TBC1D1: variants seen among roughly 807,000 people sequenced by gnomAD.
TBC1D1 encodes the protein TBC1 (tre-2/USP6, BUB2, cdc16) domain family, member 1.
TBC1D1 carries 89 observed loss-of-function variants against 125.6 expected under a neutral mutation model. That is an observed-to-expected ratio of 0.71 (90% CI 0.60 to 0.85). The LOEUF (loss-of-function observed/expected upper bound fraction) is 0.85. TBC1D1 is among the 40% of genes least tolerant of loss of function. The pLI is 0.00. For missense variants in TBC1D1, 1,377 were observed against 1,469.2 expected (o/e 0.94, Z 1.03); for synonymous variants, 565 against 564.1 (o/e 1.00, Z -0.02).
At chr4:38,011,193 A>G (rs1317869145) in intron 2 of TBC1D1, among the ~76,000 whole-genome samples, 1 of 152,084 alleles carries the variant, frequency 6.6e-6, no homozygotes, top group Non-Finnish European at 1.5e-5. Flanking sequence ...CTCTACCAAA[A>G]AAATACAAAA....
chr4:38,118,665 G>C lies in TBC1D1; in HGVS notation c.2962+473G>C, dbSNP rs118171673. ...GCTCTACACTTTCTCCCAAGTCACT[G>C]TCTTGGAGACCAGTGTCAGGACCTT... On this transcript the variant is annotated intron_variant, in intron 17 of 19. Coordinates refer to ENST00000261439, the MANE Select transcript of TBC1D1 (RefSeq NM_015173.4). 3.5e-3 allele frequency: 537 copies of C among 154,208 alleles called. 18 individuals are homozygous for C. In the East Asian group the frequency reaches 0.086, roughly 25 times the overall value. 9.6% of individuals were successfully genotyped at this position (154,208 alleles called of 1,614,324 possible). A position where few individuals can be genotyped will look rare whatever the true frequency, so the allele number is the denominator to read the frequency against.
intron 8 of TBC1D1, among the ~76,000 whole-genome samples, chr4:38,036,880 A>G (rs781144465): frequency 6.6e-6 from 1 of 152,176 alleles, no homozygotes; most frequent in Non-Finnish European, 1.5e-5. Flanking sequence ...TTAAGATAGC[A>G]TTCAAGTTCT....
intron 12 of TBC1D1, among the ~76,000 whole-genome samples, chr4:38,079,309 A>G (rs1344847007): frequency 6.6e-6 from 1 of 151,926 alleles, no homozygotes; most frequent in Non-Finnish European, 1.5e-5. Flanking sequence ...TAGGTTGTTG[A>G]TCTGGATTAG....
At chr4:38,027,060 G>A (rs1232782913) in intron 6 of TBC1D1, among the ~76,000 whole-genome samples, 1 of 152,176 alleles carries the variant, frequency 6.6e-6, no homozygotes, top group African/African-American at 2.4e-5. Context: ...CATTTTCTGA[G>A]GAGAAGGTTC....
At chr4:38,002,846 T>C in intron 2 of TBC1D1, among the ~76,000 whole-genome samples, 1 of 152,196 alleles carries the variant, frequency 6.6e-6, no homozygotes, top group Non-Finnish European at 1.5e-5. Flanking sequence ...TGGAGTCACT[T>C]ATGCTAAAGG....
intron 15 of TBC1D1, among the ~76,000 whole-genome samples, chr4:38,114,319 T>C (rs975253693): frequency 6.6e-6 from 1 of 152,172 alleles, no homozygotes; most frequent in Non-Finnish European, 1.5e-5. Flanking sequence ...AAGAAGTGAA[T>C]ACAGAACGAG....
chr4:37,900,755 G>C (rs1251844333), intron 1 of TBC1D1, among the ~76,000 whole-genome samples: 1 of 152,156 alleles, frequency 6.6e-6, no homozygotes. Flanking sequence ...GAAGGCGTTA[G>C]GATACATCAA....
chr4:38,032,630 C>T (rs146897223), intron 7 of TBC1D1, among the ~76,000 whole-genome samples: 2,708 of 152,166 alleles, frequency 0.018, 30 homozygotes, highest in South Asian at 0.052. Flanking sequence ...GTCAGGAGAT[C>T]AAGACCATCC....
At chr4:38,097,187 A>G (rs1418606345) in intron 14 of TBC1D1, among the ~76,000 whole-genome samples, 1 of 152,110 alleles carries the variant, frequency 6.6e-6, no homozygotes, top group Non-Finnish European at 1.5e-5. Flanking sequence ...TTTGAGATGT[A>G]GTTTCACTCT....
chr4:38,035,525 A>G lies in TBC1D1; in HGVS notation c.1303-63A>G, dbSNP rs1747034995. On this transcript the variant is annotated intron_variant, in intron 7 of 19. Coordinates refer to ENST00000261439, the MANE Select transcript of TBC1D1 (RefSeq NM_015173.4). ...GGATGGAAGCTGTTAGCATTTAAAA[A>G]GACGGCTTAGCAATATTGTTGACGA... is the stretch of plus-strand genomic sequence containing the variant. 2.2e-6 allele frequency: 3 copies of G among 1,355,864 alleles called. No individual in the cohort carries two copies. In the Admixed American group the frequency reaches 5.4e-5, roughly 25 times the overall value. 84.0% of individuals were successfully genotyped at this position (1,355,864 alleles called of 1,614,324 possible). A position where few individuals can be genotyped will look rare whatever the true frequency, so the allele number is the denominator to read the frequency against.
At chr4:37,906,733 G>A (rs1428719106) in intron 2 of TBC1D1, among the ~76,000 whole-genome samples, 2 of 152,156 alleles carry the variant, frequency 1.3e-5, no homozygotes, top group African/African-American at 4.8e-5. Flanking sequence ...GGAAATCCAT[G>A]CATAGTTTTT....
At chr4:38,021,770 G>A in intron 6 of TBC1D1, 52 bp downstream of exon 6, 5 of 1,438,794 alleles carry the variant, frequency 3.5e-6, no homozygotes, top group Non-Finnish European at 4.6e-6. Flanking sequence ...AAAGGTCCCA[G>A]GAGAACTTTA....
At chr4:37,945,551 A>T (rs1027639907) in intron 2 of TBC1D1, among the ~76,000 whole-genome samples, 3 of 120,044 alleles carry the variant, frequency 2.5e-5, no homozygotes, top group Admixed American at 9.3e-5. Context: ...AAAAAAAAAA[A>T]GCCTAGAAGC....
At chr4:38,062,706 C>T (rs564345367) in intron 12 of TBC1D1, among the ~76,000 whole-genome samples, 1 of 143,694 alleles carries the variant, frequency 7.0e-6, no homozygotes, top group East Asian at 2.2e-4. Context: ...CAAGATTTTA[C>T]CTCGACTTGC....
intron 2 of TBC1D1, among the ~76,000 whole-genome samples, chr4:37,916,331 T>A (rs1020971075): frequency 1.3e-5 from 2 of 151,354 alleles, no homozygotes; most frequent in African/African-American, 4.9e-5. Context: ...TCTCTCTGTA[T>A]GTGTGTGTGT....
chr4:37,944,736 G>A (rs571319522), intron 2 of TBC1D1, among the ~76,000 whole-genome samples: 9 of 152,282 alleles, frequency 5.9e-5, no homozygotes, highest in East Asian at 5.8e-4. Context: ...TGTCTGTTAC[G>A]GCTTACCTTG....
chr4:38,095,849 A>G, intron 13 of TBC1D1, 80 bp from the exon 16 acceptor site: 1 of 1,433,162 alleles, frequency 7.0e-7, no homozygotes, highest in East Asian at 2.3e-5. Flanking sequence ...CAGCGGGATA[A>G]CAAGTAGGCA....
At chr4:38,048,984 G>GCTTT (rs1749985332) in intron 10 of TBC1D1, among the ~76,000 whole-genome samples, 2 of 152,016 alleles carry the variant, frequency 1.3e-5, no homozygotes, top group Non-Finnish European at 2.9e-5. Context: ...AAGTACTTTT[G>GCTTT]GTTGTATCAT....
intron 13 of TBC1D1, among the ~76,000 whole-genome samples, chr4:38,092,525 G>T (rs1308028739): frequency 6.6e-6 from 1 of 152,030 alleles, no homozygotes; most frequent in Non-Finnish European, 1.5e-5. Flanking sequence ...GAGGTCAGGG[G>T]TTCGAGACCA....
Sources: gnomAD v4.1 joint callset for allele counts (sites outside exome capture counted in the v4.1 genomes callset) on GRCh38, gnomAD v4.1.1 for gene constraint, MANE v1.5 for transcripts, NCBI Gene and HGNC (gene_info 2026-07-23, HGNC 2026-07-21) for gene names.